Variants in CHRNA9 observed in about 807,000 individuals in gnomAD.
CHRNA9 encodes cholinergic receptor nicotinic alpha 9 subunit, also known as neuronal acetylcholine receptor subunit alpha-9.
Under a neutral mutation model 36.8 loss-of-function variants are expected in CHRNA9, and 24 were observed. The observed-to-expected ratio is 0.65, with a 90% confidence interval of 0.47 to 0.92. The LOEUF (loss-of-function observed/expected upper bound fraction) is 0.92, where lower values mean the gene tolerates loss of function less well. Among genes scored for constraint, CHRNA9 ranks in the 40% least tolerant of loss-of-function variants. CHRNA9 has a pLI of 0.00. For missense variants in CHRNA9, 610 were observed against 601.2 expected (o/e 1.01, Z -0.15); for synonymous variants, 231 against 231.8 (o/e 1.00, Z 0.03).
rs1712907004 is a variant in CHRNA9, at chr4:40,354,581, A to C, written c.*61A>C. ...AATACAATTCCCTGTGATCTATTCC[A>C]ATGTTCTTCCAAGATTTTTGTTCAT... On this transcript the variant is annotated 3_prime_UTR_variant, in exon 5 of 5. Coordinates refer to ENST00000310169, the MANE Select transcript of CHRNA9 (RefSeq NM_017581.4). The C allele has an allele frequency of 7.4e-7, 1 of 1,349,402 alleles. No homozygotes were observed. The highest frequency in any genetic ancestry group is 1.5e-5 in the African/African-American group (1 of 68,580). 83.6% of individuals were successfully genotyped at this position (1,349,402 alleles called of 1,614,324 possible). A position where few individuals can be genotyped will look rare whatever the true frequency, so the allele number is the denominator to read the frequency against.
Position 40,349,155 on chromosome 4 carries a change from T to C in CHRNA9, c.639T>C (p.Asn213=). ...TCCATGGCATGCCCGCTGTGAAGAA[T>C]GTGATCTCCTATGGCTGCTGCTCTG... ...WEVHGMPAVK[N]VISYGCCSEP... The change falls in exon 4 of 5, where the codon AAT becomes AAC. Residue 213 remains asparagine, a synonymous_variant. Coordinates refer to ENST00000310169, the MANE Select transcript of CHRNA9 (RefSeq NM_017581.4). 6.2e-7 allele frequency: 1 copy of C among 1,614,182 alleles called. No individual in the cohort carries two copies. The highest frequency in any genetic ancestry group is 8.5e-7 in the Non-Finnish European group (1 of 1,180,024).
chr4:40,349,446 G>A, intron 4 of CHRNA9, 32 bp downstream of exon 4: 2 of 1,584,052 alleles, frequency 1.3e-6, no homozygotes, highest in Non-Finnish European at 1.7e-6. Context: ...TTCAAGCCCA[G>A]CTTTGTAGTG....
chr4:40,346,627 A>G (rs1427539114), intron 3 of CHRNA9, among the ~76,000 whole-genome samples: 1 of 152,138 alleles, frequency 6.6e-6, no homozygotes, highest in Non-Finnish European at 1.5e-5. Context: ...GCATTTTCAA[A>G]AAATTCATTT....
At chr4:40,344,982 G>T (rs1449518322) in intron 3 of CHRNA9, among the ~76,000 whole-genome samples, 2 of 152,176 alleles carry the variant, frequency 1.3e-5, no homozygotes, top group Non-Finnish European at 2.9e-5. Context: ...AGAAAAGGGG[G>T]ACTATTATGA....
At chr4:40,339,279 C>CAAAAAAAAAAAAAAAA (rs61634062) in intron 3 of CHRNA9, among the ~76,000 whole-genome samples, 34 of 71,130 alleles carry the variant, frequency 4.8e-4, no homozygotes, top group Non-Finnish European at 7.0e-4. Context: ...GACTCCATCT[C>CAAAAAAAAAAAAAAAA]AAAAAAAAAA....
intron 1 of CHRNA9, 94 bp from the exon 2 acceptor site, chr4:40,335,733 G>A: frequency 7.7e-7 from 1 of 1,296,404 alleles, no homozygotes; most frequent in Non-Finnish European, 1.1e-6. Context: ...GCCAGTGTTG[G>A]GCCATCCCCC....
At position 40,348,732 on chromosome 4, in the gene CHRNA9, G is replaced by A. The variant is rs76147344; in HGVS notation, c.366-150G>A. Reference sequence around the variant, plus strand: ...AGATGGAGGAGAAGGACAAATTAGAGTTGATTCCAGACTTCCGAGCCACAG... The same window carrying A: ...AGATGGAGGAGAAGGACAAATTAGAATTGATTCCAGACTTCCGAGCCACAG... On this transcript the variant is annotated intron_variant, in intron 3 of 4. Transcript: ENST00000310169. The A allele has an allele frequency of 2.9e-3, 1,976 of 687,312 alleles. 37 individuals carry two copies. In the African/African-American group the frequency reaches 0.031, roughly 11 times the overall value. The allele number at this position is 687,312 out of a possible 1,614,324, so 42.6% of individuals were successfully genotyped here.
chr4:40,353,933 G>T, intron 4 of CHRNA9, 46 bp from the exon 5 acceptor site: 1 of 1,513,626 alleles, frequency 6.6e-7, no homozygotes, highest in South Asian at 1.2e-5. Flanking sequence ...GCTGTATGAG[G>T]ACCATTTTAA....
At chr4:40,349,602 T>C (rs1403704229) in intron 4 of CHRNA9, 188 bp downstream of exon 4, 1 of 583,896 alleles carries the variant, frequency 1.7e-6, no homozygotes, top group Non-Finnish European at 3.0e-6. Context: ...CAATCAAAAC[T>C]GGTCTTATGG....
chr4:40,354,371 A>C lies in CHRNA9; in HGVS notation c.1291A>C (p.Ile431Leu). The C allele has an allele frequency of 2.5e-6, 4 of 1,614,240 alleles. No individual in the cohort carries two copies. The highest frequency in any genetic ancestry group is 3.4e-6 in the Non-Finnish European group (4 of 1,180,042). ...YKVLTRNIEY[I>L]AKCLKDHKAT... ...AGTGCTGACGAGGAATATTGAGTACATCGCCAAGTGCCTCAAAGACCACAA... is the reference window on the plus strand; with the variant it reads ...AGTGCTGACGAGGAATATTGAGTACCTCGCCAAGTGCCTCAAAGACCACAA... The change falls in exon 5 of 5, where the codon ATC becomes CTC. Residue 431 changes from isoleucine to leucine, a missense_variant. Transcript: ENST00000310169.
Position 40,355,169 on chromosome 4 carries a change from T to C in CHRNA9, c.*649T>C, listed in dbSNP as rs1409058770. On this transcript the variant is annotated 3_prime_UTR_variant, in exon 5 of 5. Transcript: ENST00000310169. ...TACCCTTTGATTAAAATATGATAGA[T>C]GAAGCTGTTCCTGCATTTAGTCTTG... 6.6e-6 allele frequency: 1 copy of C among 152,260 alleles called. No individual in the cohort carries two copies. Among genetic ancestry groups the C allele is most frequent in the Non-Finnish European group, 1.5e-5 (1 of 68,056 alleles). 9.4% of individuals were successfully genotyped at this position (152,260 alleles called of 1,614,324 possible).
At position 40,337,223 on chromosome 4, in the gene CHRNA9, A is replaced by G. The variant is rs1712348672; in HGVS notation, c.224A>G (p.Gln75Arg). 1.9e-6 allele frequency: 3 copies of G among 1,614,194 alleles called. No homozygotes were observed. Among genetic ancestry groups the G allele is most frequent in the African/African-American group, 2.7e-5 (2 of 75,070 alleles). The change falls in exon 3 of 5, where the codon CAA becomes CGA. Residue 75 changes from glutamine (Q) to arginine (R), a missense_variant. Transcript: ENST00000310169. ...TTCATTGTGTAGGATGAAAGAAACC[A>G]AATTCTGACTGCTTATTTGTGGATC... is the stretch of plus-strand genomic sequence containing the variant. ...SQIKDMDERN[Q>R]ILTAYLWIRQ...
Position 40,335,952 on chromosome 4 carries a change from C to G in CHRNA9, c.190C>G (p.Leu64Val). Residue 64 changes from leucine to valine, a missense_variant, in exon 2 of 5, where the codon CTC becomes GTC. Coordinates refer to ENST00000310169, the MANE Select transcript of CHRNA9 (RefSeq NM_017581.4). The stretch of plus-strand genomic sequence containing the variant: ...CCTGAATGTGACCCTGCAGATTACG[C>G]TCTCTCAGATTAAGGATATGGTGAG... ...KVLNVTLQITLSQIKDMDERN... is the reference protein window; with the variant it reads ...KVLNVTLQITVSQIKDMDERN... The G allele has an allele frequency of 6.2e-7, 1 of 1,612,918 alleles. No homozygotes were observed. The highest frequency in any genetic ancestry group is 8.5e-7 in the Non-Finnish European group (1 of 1,178,850).
rs749139955 is a variant in CHRNA9 at position 40,335,952 on chromosome 4, C to T, written c.190C>T (p.Leu64Phe). ...KVLNVTLQITLSQIKDMDERN... is the reference protein window; with the variant it reads ...KVLNVTLQITFSQIKDMDERN... ...CCTGAATGTGACCCTGCAGATTACG[C>T]TCTCTCAGATTAAGGATATGGTGAG... is the stretch of plus-strand genomic sequence containing the variant. Residue 64 changes from leucine to phenylalanine, a missense_variant, in exon 2 of 5, where the codon CTC becomes TTC. Coordinates refer to ENST00000310169, the MANE Select transcript of CHRNA9 (RefSeq NM_017581.4). 2 of 1,612,918 alleles carry T rather than the reference C, an allele frequency of 1.2e-6. No individual in the cohort carries two copies. The highest frequency in any genetic ancestry group is 1.7e-6 in the Non-Finnish European group (2 of 1,178,850).
At chr4:40,337,167 C>G in intron 2 of CHRNA9, 43 bp from the exon 3 acceptor site, 1 of 1,591,890 alleles carries the variant, frequency 6.3e-7, no homozygotes. Flanking sequence ...GAAAACATTT[C>G]AAGTGTCTGC....
In CHRNA9 at chr4:40,335,440, G is replaced by T. The variant is rs781618378; in HGVS notation, c.-28G>T. On this transcript the variant is annotated 5_prime_UTR_variant, in exon 1 of 5. Transcript: ENST00000310169. ...GTGGAAGACCACGCTGCCTGACTGA[G>T]ACTTTATTATAGAGGCTCAGGAAAA... The T allele has an allele frequency of 3.8e-6, 6 of 1,587,750 alleles. No homozygotes were observed. The Admixed American group carries it at 1.0e-4, about 26-fold the overall frequency.
Position 40,354,310 on chromosome 4 carries a change from C to T in CHRNA9, c.1230C>T (p.Asn410=). The change falls in exon 5 of 5, where the codon AAC becomes AAT. Residue 410 remains asparagine (N), a synonymous_variant. Transcript: ENST00000310169. ...LKNDLGCQGK[N]PQEAESYCAQ... is the part of the protein sequence containing the mutation. ...ACGACCTGGGCTGCCAGGGTAAGAA[C>T]CCTCAGGAGGCCGAGAGTTACTGTG... 6.2e-7 allele frequency: 1 copy of T among 1,614,174 alleles called. No homozygotes were observed.
intron 2 of CHRNA9, among the ~76,000 whole-genome samples, chr4:40,336,622 A>G (rs866849792): frequency 1.5e-4 from 22 of 148,958 alleles, no homozygotes; most frequent in African/African-American, 4.7e-4. Context: ...GACTACAGGC[A>G]CCCGCCACCA....
At chr4:40,353,958 C>T (rs368154409) in intron 4 of CHRNA9, 21 bp from the exon 5 acceptor site, 117 of 1,563,988 alleles carry the variant, frequency 7.5e-5, no homozygotes, top group African/African-American at 1.2e-4. Context: ...AATTCAGTTA[C>T]GGTTGTTATT....
Sources: allele counts gnomAD v4.1 joint callset (sites outside exome capture counted in the v4.1 genomes callset), GRCh38; gene constraint gnomAD v4.1.1; transcripts MANE v1.5; gene names NCBI Gene and HGNC (gene_info 2026-07-23, HGNC 2026-07-21).